PRRX2: variants seen among roughly 807,000 people sequenced by gnomAD.
The protein encoded by PRRX2 is paired mesoderm homeobox protein 2.
Under a neutral mutation model 18.0 loss-of-function variants are expected in PRRX2, and 11 were observed. That is an observed-to-expected ratio of 0.61 (90% confidence interval 0.39 to 1.01). The LOEUF is 1.01. Ranked by LOEUF, PRRX2 falls within the 50% of genes least tolerant of loss-of-function variation. The probability of loss-of-function intolerance (pLI) is 0.01; values close to 1 mark genes in which losing one functional copy is unlikely to be tolerated. For missense variants in PRRX2, 387 were observed against 351.0 expected, an observed-to-expected ratio of 1.10 and a Z score of -0.82; for synonymous variants, 177 against 154.8, an observed-to-expected ratio of 1.14 and a Z score of -1.06.
chr9:129,677,958 CTTTTT>C (rs760645440), intron 1 of PRRX2, among the ~76,000 whole-genome samples: 2 of 113,116 alleles, frequency 1.8e-5, no homozygotes, highest in Non-Finnish European at 3.4e-5. Context: ...TTCTTTCTTT[CTTTTT>C]TTTTTTTTTT....
intron 1 of PRRX2, among the ~76,000 whole-genome samples, chr9:129,706,009 C>T (rs1464847390): frequency 6.6e-6 from 1 of 152,110 alleles, no homozygotes; most frequent in Non-Finnish European, 1.5e-5. Flanking sequence ...ACCTGTGGCA[C>T]CCCCAGAGAC....
At chr9:129,705,054 G>A (rs1832539877) in intron 1 of PRRX2, among the ~76,000 whole-genome samples, 2 of 152,212 alleles carry the variant, frequency 1.3e-5, no homozygotes, top group African/African-American at 4.8e-5. Flanking sequence ...ATTAAAACCA[G>A]ACGGGACAGA....
chr9:129,695,811 A>G lies in PRRX2; in HGVS notation c.260-23420A>G, dbSNP rs2130921265. Among the ~76,000 whole-genome samples, 1 of 152,340 alleles carries G rather than the reference A, an allele frequency of 6.6e-6. No homozygotes were observed. The highest frequency in any genetic ancestry group is 2.1e-4 in the South Asian group (1 of 4,822). On this transcript the variant is annotated intron_variant, in intron 1 of 3. Transcript: ENST00000372469. This position sits in a 1 kb window ranked among gnomAD's most constrained non-coding sequence, Gnocchi z 4.8. ...AAAATCCAGAATTTCTGACAGCCCA[A>G]GTTAACAAGCCCCCACAAGTGAATT...
Position 129,720,577 on chromosome 9 carries a change from C to T in PRRX2, c.448-19C>T. The T allele has an allele frequency of 6.3e-7, 1 of 1,586,676 alleles. No homozygotes were observed. The highest frequency in any genetic ancestry group is 8.6e-7 in the Non-Finnish European group (1 of 1,164,716). On this transcript the variant is annotated intron_variant, in intron 2 of 3. Coordinates refer to ENST00000372469, the MANE Select transcript of PRRX2 (RefSeq NM_016307.4). ...TCCCCCCTGCCCATGCTGCACCCTG[C>T]TCACCCTCCCACCCACAGGTCTGGT...
At chr9:129,679,645 A>T (rs920391065) in intron 1 of PRRX2, among the ~76,000 whole-genome samples, 1 of 151,944 alleles carries the variant, frequency 6.6e-6, no homozygotes, top group African/African-American at 2.4e-5. Flanking sequence ...CTGCGACCTT[A>T]CCCAGCCTCT....
intron 1 of PRRX2, among the ~76,000 whole-genome samples, chr9:129,688,770 G>A (rs781632747): frequency 2.6e-5 from 4 of 152,200 alleles, no homozygotes; most frequent in Non-Finnish European, 5.9e-5. Context: ...GGGGTTCTGG[G>A]CATCAGGAGA....
Position 129,709,081 on chromosome 9 carries a change from A to G in PRRX2, c.260-10150A>G, listed in dbSNP as rs1832588776. ...CCGGGAAGGCCTCTCAGGGCTGGGC[A>G]TGTAGGCTGAAATCCAGGGCTGGGT... On this transcript the variant is annotated intron_variant, in intron 1 of 3. Transcript: ENST00000372469. This position sits in a 1 kb window ranked among gnomAD's most constrained non-coding sequence, Gnocchi z 4.2. Among the ~76,000 whole-genome samples the G allele has an allele frequency of 1.3e-5, 2 of 152,048 alleles. No homozygotes were observed. Among genetic ancestry groups the G allele is most frequent in the South Asian group, 4.1e-4 (2 of 4,830 alleles).
intron 1 of PRRX2, among the ~76,000 whole-genome samples, chr9:129,694,916 G>C (rs532124274): frequency 2.4e-4 from 36 of 152,318 alleles, no homozygotes; most frequent in African/African-American, 7.5e-4. Context: ...TCTGGCCTGG[G>C]GGATTCAGCC....
intron 1 of PRRX2, among the ~76,000 whole-genome samples, chr9:129,682,927 A>AC (rs1832251867): frequency 1.6e-5 from 2 of 123,826 alleles, no homozygotes; most frequent in East Asian, 3.9e-4. Flanking sequence ...CAACATGGTG[A>AC]ACCCCCCCCA....
chr9:129,710,097 G>A (rs1375154465), intron 1 of PRRX2, among the ~76,000 whole-genome samples: 1 of 152,210 alleles, frequency 6.6e-6, no homozygotes. Context: ...GGTCCAGGAG[G>A]GCTTCTTGGA....
At chr9:129,689,315 G>A (rs1314133188) in intron 1 of PRRX2, among the ~76,000 whole-genome samples, 2 of 152,212 alleles carry the variant, frequency 1.3e-5, no homozygotes, top group Admixed American at 6.5e-5. Context: ...GAAAAGGGGA[G>A]TAAGTGATAA....
rs1004272678 is a variant in PRRX2 at position 129,705,782 on chromosome 9, G to C, written c.260-13449G>C. 8.4e-4 allele frequency among the ~76,000 whole-genome samples: 128 copies of C among 151,982 alleles called. 10 individuals carry two copies. Among genetic ancestry groups the C allele is most frequent in the Non-Finnish European group, 2.9e-5 (2 of 67,984 alleles). On this transcript the variant is annotated intron_variant, in intron 1 of 3. Transcript: ENST00000372469. ...GGCCGCATGGGGACATTCTGTGCGA[G>C]AGCCACTCCCTGGCTGGGCACGGTG... is the stretch of plus-strand genomic sequence containing the variant.
chr9:129,707,114 G>A (rs1564153409), intron 1 of PRRX2, among the ~76,000 whole-genome samples: 1 of 151,954 alleles, frequency 6.6e-6, no homozygotes, highest in Admixed American at 6.6e-5. Context: ...AAATTAGCCA[G>A]GCATGGTGGC....
chr9:129,673,573 G>A (rs1235907360), intron 1 of PRRX2, among the ~76,000 whole-genome samples: 1 of 152,000 alleles, frequency 6.6e-6, no homozygotes, highest in Non-Finnish European at 1.5e-5. Context: ...TTTGTCCTAG[G>A]CTGGCATTTG....
intron 1 of PRRX2, among the ~76,000 whole-genome samples, chr9:129,680,418 A>G (rs1374675221): frequency 7.1e-5 from 5 of 70,580 alleles, no homozygotes; most frequent in East Asian, 6.3e-4. Flanking sequence ...AAAAAAAAAG[A>G]AAAGAAAAGA....
chr9:129,713,102 C>T (rs114457426), intron 1 of PRRX2: 1 of 152,370 alleles, frequency 6.6e-6, no homozygotes, highest in African/African-American at 2.4e-5. Context: ...GGTTCGAGTT[C>T]TGGTCCGCGG....
At chr9:129,692,213 G>A (rs1319739498) in intron 1 of PRRX2, among the ~76,000 whole-genome samples, 1 of 151,468 alleles carries the variant, frequency 6.6e-6, no homozygotes, top group Admixed American at 6.6e-5. Context: ...GCCTCCCAAA[G>A]TGCTGGGATT....
At chr9:129,712,928 C>T (rs1245568328) in intron 1 of PRRX2, 2 of 152,234 alleles carry the variant, frequency 1.3e-5, no homozygotes, top group African/African-American at 4.8e-5. Flanking sequence ...TTATTGATTT[C>T]CTAAATGCTT....
In PRRX2 at chr9:129,673,129, C is replaced by A. The variant is rs546944060; in HGVS notation, c.259+7003C>A. Among the ~76,000 whole-genome samples, 19 of 152,246 alleles carry A rather than the reference C, an allele frequency of 1.2e-4. 2 individuals are homozygous for A. The East Asian group carries it at 3.7e-3, about 29-fold the overall frequency. Reference sequence around the variant, plus strand: ...CCCACCCTTTCATCCAAGAAAGAACCTTTTAGTATCTTCATCTCTGAGTAC... The same window carrying A: ...CCCACCCTTTCATCCAAGAAAGAACATTTTAGTATCTTCATCTCTGAGTAC... On this transcript the variant is annotated intron_variant, in intron 1 of 3. Transcript: ENST00000372469.
Sources: allele counts gnomAD v4.1 joint callset (sites outside exome capture counted in the v4.1 genomes callset), GRCh38; gene constraint gnomAD v4.1.1; non-coding constraint Gnocchi (gnomAD v3.1); transcripts MANE v1.5; gene names NCBI Gene and HGNC (gene_info 2026-07-23, HGNC 2026-07-21).